VPS13D: variants seen among roughly 807,000 people sequenced by gnomAD.
The protein encoded by VPS13D is vacuolar protein sorting 13 homolog D.
VPS13D carries 187 observed loss-of-function variants against 461.9 expected under a neutral mutation model. That is an observed-to-expected ratio of 0.40 (90% CI 0.36 to 0.46). The LOEUF (loss-of-function observed/expected upper bound fraction) is 0.46. Among genes scored for constraint, VPS13D ranks in the 20% least tolerant of loss-of-function variants. The probability of loss-of-function intolerance (pLI) is 0.60; values close to 1 mark genes in which losing one functional copy is unlikely to be tolerated. For synonymous variants in VPS13D, 1,951 were observed against 1,986.3 expected, an observed-to-expected ratio of 0.98 and a Z score of 0.47; for missense variants, 4,711 against 5,364.9, an observed-to-expected ratio of 0.88 and a Z score of 3.81.
intron 20 of VPS13D, among the ~76,000 whole-genome samples, chr1:12,281,368 CCT>C (rs1278483863): frequency 6.9e-6 from 1 of 145,752 alleles, no homozygotes; most frequent in Non-Finnish European, 1.5e-5. Context: ...ATCTAGTTTC[CCT>C]CTCTTTTTTG....
intron 26 of VPS13D, among the ~76,000 whole-genome samples, chr1:12,305,375 C>G (rs1642533254): frequency 6.6e-6 from 1 of 152,108 alleles, no homozygotes; most frequent in Non-Finnish European, 1.5e-5. Flanking sequence ...CCTGAGCTCA[C>G]TCGATCCTCC....
In VPS13D at chr1:12,311,584, G is replaced by C. The variant is rs1259732912; in HGVS notation, c.6781G>C (p.Glu2261Gln). 7 of 1,614,170 alleles carry C rather than the reference G, an allele frequency of 4.3e-6. No homozygotes were observed. Among genetic ancestry groups the C allele is most frequent in the Non-Finnish European group, 5.9e-6 (7 of 1,180,014 alleles). Residue 2261 changes from glutamate to glutamine, a missense_variant, in exon 28 of 70, where the codon GAA becomes CAA. By Grantham distance (29) the Glu-to-Gln change is conservative. This residue lies in a region of VPS13D where 4,411 missense variants were observed against 4,937.8 expected (regional missense o/e 0.89). Coordinates refer to ENST00000620676, the MANE Select transcript of VPS13D (RefSeq NM_015378.4). Reference sequence around the variant, plus strand: ...GAACAACCTGGGAGAACCCATAGAGGAATTTATGCGGCCTTATGATTTACA... The same window carrying C: ...GAACAACCTGGGAGAACCCATAGAGCAATTTATGCGGCCTTATGATTTACA... ...LENNLGEPIE[E>Q]FMRPYDLQDP...
chr1:12,400,259 G>A lies in VPS13D; in HGVS notation c.11713G>A (p.Glu3905Lys), dbSNP rs1483679981. 4.3e-6 allele frequency: 7 copies of A among 1,614,124 alleles called. No homozygotes were observed. Among genetic ancestry groups the A allele is most frequent in the Non-Finnish European group, 5.1e-6 (6 of 1,180,034 alleles). ...TPLSNENEVI[E>K]TGPAVQVNAV... ...CCTGAGCAATGAGAATGAGGTCATC[G>A]AGACCGGCCCAGCTGTGCAAGTCAA... The change falls in exon 61 of 70, where the codon GAG becomes AAG. Residue 3905 changes from glutamate to lysine, a missense_variant. Around this residue, in one of 3 missense-constraint regions of VPS13D, gnomAD observed 4,411 missense variants for 4,937.8 expected, o/e 0.89. Coordinates refer to ENST00000620676, the MANE Select transcript of VPS13D (RefSeq NM_015378.4).
chr1:12,379,201 A>G (rs1221992528), intron 56 of VPS13D, among the ~76,000 whole-genome samples: 1 of 152,230 alleles, frequency 6.6e-6, no homozygotes, highest in Non-Finnish European at 1.5e-5. Flanking sequence ...TCCATACTGC[A>G]TGGTAAGTTG....
At chr1:12,508,077 TG>T (rs1375890974) in intron 69 of VPS13D, among the ~76,000 whole-genome samples, 1 of 152,138 alleles carries the variant, frequency 6.6e-6, no homozygotes, top group Non-Finnish European at 1.5e-5. Flanking sequence ...AAGGCTCCCG[TG>T]GGGTCATTGG....
chr1:12,372,730 G>T (rs188502079), intron 54 of VPS13D, among the ~76,000 whole-genome samples: 1 of 151,462 alleles, frequency 6.6e-6, no homozygotes. Context: ...ATCTGCTTTG[G>T]GGGGAACAAA....
At chr1:12,456,946 A>T (rs1645338136) in intron 66 of VPS13D, among the ~76,000 whole-genome samples, 1 of 152,200 alleles carries the variant, frequency 6.6e-6, no homozygotes, top group Non-Finnish European at 1.5e-5. Flanking sequence ...AGAAATTGAA[A>T]TGAGGAATTT....
intron 26 of VPS13D, among the ~76,000 whole-genome samples, chr1:12,305,938 A>G (rs748745784): frequency 2.6e-5 from 4 of 152,084 alleles, no homozygotes; most frequent in Non-Finnish European, 5.9e-5. Context: ...TATTTTGTTC[A>G]CATTACACTC....
intron 2 of VPS13D, 97 bp from the exon 3 acceptor site, chr1:12,242,415 AT>A: frequency 9.6e-7 from 1 of 1,041,024 alleles, no homozygotes; most frequent in Non-Finnish European, 1.5e-6. Flanking sequence ...CCTATTCTAT[AT>A]GTAAAACTTT....
intron 30 of VPS13D, 39 bp from the exon 31 acceptor site, chr1:12,318,033 C>A (rs996527511): frequency 6.4e-6 from 10 of 1,569,974 alleles, no homozygotes; most frequent in African/African-American, 1.4e-5. Context: ...AACCATGTTT[C>A]TTTTTTCCTA....
chr1:12,482,500 C>A (rs917636682), intron 67 of VPS13D, among the ~76,000 whole-genome samples: 4 of 152,114 alleles, frequency 2.6e-5, no homozygotes, highest in African/African-American at 4.8e-5. Context: ...AAAGAATGTA[C>A]AAATGTAAAC....
At chr1:12,380,943 T>C (rs1644264861) in intron 57 of VPS13D, among the ~76,000 whole-genome samples, 1 of 152,228 alleles carries the variant, frequency 6.6e-6, no homozygotes. Context: ...AAAGAGGGCT[T>C]GTTATAATTG....
At chr1:12,275,220 AAAATAAATAAAAAT>A (rs765520954) in intron 18 of VPS13D, among the ~76,000 whole-genome samples, 27 of 152,030 alleles carry the variant, frequency 1.8e-4, no homozygotes, top group Non-Finnish European at 3.1e-4. Context: ...CTCCATCTCA[AAAATAAATAAAAAT>A]AAATAAATAA....
At chr1:12,375,790 T>C (rs1237558672) in intron 55 of VPS13D, among the ~76,000 whole-genome samples, 1 of 152,230 alleles carries the variant, frequency 6.6e-6, no homozygotes, top group Non-Finnish European at 1.5e-5. Context: ...CCCCATCGCT[T>C]AGGTGGATGC....
At chr1:12,420,226 G>C (rs2100253341) in intron 65 of VPS13D, among the ~76,000 whole-genome samples, 1 of 152,338 alleles carries the variant, frequency 6.6e-6, no homozygotes, top group East Asian at 1.9e-4. Context: ...GCACGTATGT[G>C]GTTGGACTAA....
intron 60 of VPS13D, among the ~76,000 whole-genome samples, chr1:12,395,010 C>T (rs999153235): frequency 6.6e-6 from 1 of 152,136 alleles, no homozygotes; most frequent in African/African-American, 2.4e-5. Context: ...CAGTTCTTTT[C>T]GAGTGTAGTA....
chr1:12,473,237 T>G lies in VPS13D; in HGVS notation c.12662+12841T>G, dbSNP rs1194524694. On this transcript the variant is annotated intron_variant, in intron 67 of 69. Transcript: ENST00000620676. The surrounding 1 kb of genome is among the most constrained non-coding windows in gnomAD (Gnocchi z 4.2). Reference sequence around the variant, plus strand: ...CTTGACACTCCAAGGGCAAGAGGTCTTTCTTCAAAGAGAAGCGCTTGTTTC... The same window carrying G: ...CTTGACACTCCAAGGGCAAGAGGTCGTTCTTCAAAGAGAAGCGCTTGTTTC... Among the ~76,000 whole-genome samples the G allele has an allele frequency of 2.0e-5, 3 of 152,240 alleles. No individual in the cohort carries two copies. The highest frequency in any genetic ancestry group is 2.1e-4 in the South Asian group (1 of 4,830).
intron 24 of VPS13D, among the ~76,000 whole-genome samples, chr1:12,294,273 G>A (rs1452685447): frequency 5.3e-5 from 8 of 152,212 alleles, no homozygotes; most frequent in African/African-American, 1.4e-4. Flanking sequence ...TAGGAGGTAT[G>A]TGCCTGTTAG....
At position 12,358,584 on chromosome 1, in the gene VPS13D, G is replaced by A. The variant is rs144481365; in HGVS notation, c.10124G>A (p.Gly3375Glu). ...LKVIQQGNRP[G>E]LIYNIGIDVK... ...GTCATCCAGCAAGGAAACCGCCCAGGGCTGATCTATAACATTGGTGGGTTA... is the reference window on the plus strand; with the variant it reads ...GTCATCCAGCAAGGAAACCGCCCAGAGCTGATCTATAACATTGGTGGGTTA... The change falls in exon 50 of 70, where the codon GGG becomes GAG. Residue 3375 changes from glycine (G) to glutamate (E), a missense_variant. Around this residue, in one of 3 missense-constraint regions of VPS13D, gnomAD observed 4,411 missense variants for 4,937.8 expected, o/e 0.89. Transcript: ENST00000620676. 2.5e-6 allele frequency: 4 copies of A among 1,614,068 alleles called. No individual in the cohort carries two copies. The highest frequency in any genetic ancestry group is 3.4e-6 in the Non-Finnish European group (4 of 1,179,994).
Sources: allele counts gnomAD v4.1 joint callset (sites outside exome capture counted in the v4.1 genomes callset), GRCh38; gene constraint gnomAD v4.1.1; regional missense constraint gnomAD v4.1.1; non-coding constraint Gnocchi (gnomAD v3.1); transcripts MANE v1.5; gene names NCBI Gene and HGNC (gene_info 2026-07-23, HGNC 2026-07-21).